Variants in HDAC9 observed in about 807,000 individuals in gnomAD.
HDAC9 encodes histone deacetylase 9.
A neutral mutation model predicts 139.4 loss-of-function variants in HDAC9; 41 were observed. The observed-to-expected ratio is 0.29, with a 90% CI of 0.23 to 0.38. HDAC9 has a LOEUF of 0.38. Among genes scored for constraint, HDAC9 ranks in the 10% least tolerant of loss-of-function variants. The pLI, the probability that HDAC9 is intolerant of heterozygous loss-of-function variation, is 1.00. For missense variants in HDAC9, 1,147 were observed against 1,297.0 expected (o/e 0.88, Z 1.78); for synonymous variants, 517 against 476.2 (o/e 1.09, Z -1.12).
chr7:18,517,208 T>A (rs759396308), intron 2 of HDAC9, among the ~76,000 whole-genome samples: 5 of 152,192 alleles, frequency 3.3e-5, no homozygotes, highest in Non-Finnish European at 7.3e-5. Context: ...CGTCATGTGC[T>A]TACAGGAATT....
intron 1 of HDAC9, among the ~76,000 whole-genome samples, chr7:18,477,936 C>A (rs1365310354): frequency 1.3e-5 from 2 of 152,050 alleles, no homozygotes; most frequent in Non-Finnish European, 2.9e-5. Flanking sequence ...CACAACTATA[C>A]CTGCATTTTT....
chr7:18,910,207 T>C (rs1802622666), intron 22 of HDAC9, among the ~76,000 whole-genome samples: 1 of 151,998 alleles, frequency 6.6e-6, no homozygotes. Context: ...GGATGTTTTT[T>C]ACTTTCTGTG....
At chr7:18,780,807 A>G (rs181319901) in intron 16 of HDAC9, among the ~76,000 whole-genome samples, 14 of 152,196 alleles carry the variant, frequency 9.2e-5, no homozygotes, top group African/African-American at 3.1e-4. Flanking sequence ...AAGAAAGAGC[A>G]GTAAAGACAG....
chr7:18,979,335 A>C (rs1340881655), intron 25 of HDAC9, among the ~76,000 whole-genome samples: 2 of 152,158 alleles, frequency 1.3e-5, no homozygotes, highest in Non-Finnish European at 2.9e-5. Flanking sequence ...AATATAGACC[A>C]TTATTAAATA....
chr7:18,288,738 C>T (rs916269671), upstream of HDAC9, among the ~76,000 whole-genome samples: 22 of 151,996 alleles, frequency 1.4e-4, no homozygotes, highest in Non-Finnish European at 2.8e-4. Flanking sequence ...AGGTGACCAT[C>T]GAGAATATAC....
rs139532258 is a variant in HDAC9, at chr7:18,444,207, C to T, written c.-41-52055C>T. ...TACAAAAATTAGCCAAGCGTGGTGG[C>T]GTGTGTCTGTAGTCCCAGCTACTTG... On this transcript the variant is annotated intron_variant, in intron 1 of 3. Coordinates refer to the HDAC9 transcript ENST00000413509. 2.0e-3 allele frequency among the ~76,000 whole-genome samples: 301 copies of T among 151,672 alleles called. 2 individuals are homozygous for T. The highest frequency in any genetic ancestry group is 2.6e-3 in the Non-Finnish European group (179 of 67,876).
intron 1 of HDAC9, among the ~76,000 whole-genome samples, chr7:18,472,501 A>G (rs1418508171): frequency 1.3e-5 from 2 of 151,962 alleles, no homozygotes; most frequent in Non-Finnish European, 2.9e-5. Flanking sequence ...ACTGCTGTCT[A>G]CTCCAAAAGC....
intron 2 of HDAC9, among the ~76,000 whole-genome samples, chr7:18,279,707 A>AC (rs1018041339): frequency 6.6e-6 from 1 of 151,380 alleles, no homozygotes; most frequent in Non-Finnish European, 1.5e-5. Context: ...CTCGTGATCC[A>AC]CCCCCCTCGA....
At chr7:18,283,463 G>A (rs1797235625) in intron 2 of HDAC9, among the ~76,000 whole-genome samples, 1 of 152,142 alleles carries the variant, frequency 6.6e-6, no homozygotes, top group African/African-American at 2.4e-5. Flanking sequence ...TAAAGCAAAG[G>A]TGAATTAGAG....
intron 12 of HDAC9, among the ~76,000 whole-genome samples, chr7:18,721,711 C>T (rs1041077455): frequency 3.3e-5 from 5 of 151,908 alleles, no homozygotes; most frequent in South Asian, 2.1e-4. Flanking sequence ...GGTCCCTGTG[C>T]GATAGCAACA....
At chr7:18,380,616 G>A (rs75079818) in intron 1 of HDAC9, among the ~76,000 whole-genome samples, 228 of 152,290 alleles carry the variant, frequency 1.5e-3, no homozygotes, top group Non-Finnish European at 2.4e-3. Context: ...GCACAGGTAT[G>A]GTCTAGCGAT....
At chr7:18,399,903 G>T (rs1787382279) in intron 1 of HDAC9, among the ~76,000 whole-genome samples, 1 of 152,160 alleles carries the variant, frequency 6.6e-6, no homozygotes, top group African/African-American at 2.4e-5. Context: ...AGTTTTTCAG[G>T]CTGGGGAACA....
At chr7:18,240,480 A>G (rs190327350) in intron 2 of HDAC9, among the ~76,000 whole-genome samples, 1 of 152,312 alleles carries the variant, frequency 6.6e-6, no homozygotes, top group East Asian at 1.9e-4. Context: ...TATGAAGAAT[A>G]TTTTATTCTA....
chr7:18,639,734 G>A (rs1178360195), intron 8 of HDAC9, among the ~76,000 whole-genome samples: 1 of 151,988 alleles, frequency 6.6e-6, no homozygotes, highest in Non-Finnish European at 1.5e-5. Flanking sequence ...AGATAGCCTG[G>A]ATTCAGGGAC....
chr7:18,953,012 T>C (rs924126878), intron 23 of HDAC9, among the ~76,000 whole-genome samples: 5 of 151,986 alleles, frequency 3.3e-5, no homozygotes, highest in South Asian at 2.1e-4. Flanking sequence ...GATTTCATGA[T>C]TGAAGAATAG....
At chr7:18,100,584 G>C (rs970453248) in intron 1 of HDAC9, among the ~76,000 whole-genome samples, 2 of 152,044 alleles carry the variant, frequency 1.3e-5, no homozygotes, top group African/African-American at 4.8e-5. Context: ...ACACATTGTA[G>C]TTTTCATCTC....
At chr7:18,553,173 G>A (rs1444555460) in intron 2 of HDAC9, among the ~76,000 whole-genome samples, 1 of 152,094 alleles carries the variant, frequency 6.6e-6, no homozygotes, top group Non-Finnish European at 1.5e-5. Flanking sequence ...GAAGGCTCCA[G>A]GGCTGAGGCT....
At chr7:18,565,394 A>C (rs1821969993) in intron 2 of HDAC9, among the ~76,000 whole-genome samples, 1 of 152,234 alleles carries the variant, frequency 6.6e-6, no homozygotes, top group Non-Finnish European at 1.5e-5. Context: ...AATTTCTGTG[A>C]GTAATTTTTT....
At chr7:18,816,230 T>G (rs1018527012) in intron 17 of HDAC9, among the ~76,000 whole-genome samples, 3 of 152,198 alleles carry the variant, frequency 2.0e-5, no homozygotes, top group African/African-American at 7.2e-5. Context: ...ACATATGCAT[T>G]TATTTTTACT....
Sources: gnomAD v4.1 joint callset for allele counts (sites outside exome capture counted in the v4.1 genomes callset) on GRCh38, gnomAD v4.1.1 for gene constraint, MANE v1.5 for transcripts, NCBI Gene and HGNC (gene_info 2026-07-23, HGNC 2026-07-21) for gene names.